Variants in CTNNA2 observed in about 807,000 individuals in gnomAD.
CTNNA2 encodes the protein catenin alpha 2.
A neutral mutation model predicts 101.0 loss-of-function variants in CTNNA2; 42 were observed. The ratio of observed to expected loss-of-function variants is 0.42; its 90% confidence interval spans 0.32 to 0.54. The LOEUF (loss-of-function observed/expected upper bound fraction) is 0.54. Ranked by LOEUF, CTNNA2 falls within the 20% of genes least tolerant of loss-of-function variation. The pLI, the probability that CTNNA2 is intolerant of heterozygous loss-of-function variation, is 0.14. For synonymous variants in CTNNA2, 450 were observed against 456.4 expected (o/e 0.99, Z 0.18); for missense variants, 871 against 1,223.1 (o/e 0.71, Z 4.29).
intron 2 of CTNNA2, among the ~76,000 whole-genome samples, chr2:79,667,656 A>T (rs1682513743): frequency 6.6e-6 from 1 of 152,232 alleles, no homozygotes; most frequent in African/African-American, 2.4e-5. Flanking sequence ...TCACCATTGA[A>T]GTCATATTAT....
At chr2:79,926,221 A>G (rs1363266624) in intron 7 of CTNNA2, among the ~76,000 whole-genome samples, 2 of 152,116 alleles carry the variant, frequency 1.3e-5, no homozygotes, top group South Asian at 2.1e-4. Flanking sequence ...ATTATTCCCC[A>G]GTGACTCTAT....
At chr2:79,998,333 T>C (rs1331963173) in intron 7 of CTNNA2, among the ~76,000 whole-genome samples, 1 of 152,252 alleles carries the variant, frequency 6.6e-6, no homozygotes, top group Non-Finnish European at 1.5e-5. Flanking sequence ...TTTTTTGAAA[T>C]ACTGTGGTTC....
intron 2 of CTNNA2, among the ~76,000 whole-genome samples, chr2:79,260,844 A>C (rs1220725558): frequency 6.6e-6 from 1 of 152,020 alleles, no homozygotes; most frequent in Non-Finnish European, 1.5e-5. Flanking sequence ...CTCAAGATTG[A>C]CTCTTAAGCC....
intron 9 of CTNNA2, among the ~76,000 whole-genome samples, chr2:80,429,908 A>C (rs867297630): frequency 6.6e-6 from 1 of 152,246 alleles, no homozygotes; most frequent in Non-Finnish European, 1.5e-5. Context: ...GGTCTGTTGC[A>C]GTGCTTGAAT....
rs148433332 is a variant in CTNNA2 at position 80,482,845 on chromosome 2, C to A, written c.1291-62137C>A. On this transcript the variant is annotated intron_variant, in intron 9 of 18. Coordinates refer to ENST00000402739, the MANE Select transcript of CTNNA2 (RefSeq NM_001282597.3). The stretch of plus-strand genomic sequence containing the variant: ...CCTCCACAGCAACAATAGTTGTGCC[C>A]GCTTCAGAACAAGAACTTGCTTTCT... Among the ~76,000 whole-genome samples the A allele has an allele frequency of 3.9e-5, 6 of 152,224 alleles. No homozygotes were observed. The East Asian group carries it at 7.7e-4, about 20-fold the overall frequency.
intron 7 of CTNNA2, among the ~76,000 whole-genome samples, chr2:79,923,431 G>A (rs1686807076): frequency 6.6e-6 from 1 of 151,788 alleles, no homozygotes; most frequent in Non-Finnish European, 1.5e-5. Flanking sequence ...AAGATCTGGT[G>A]GTCTGCTTTT....
chr2:79,994,323 TGTG>T (rs1423022875), intron 7 of CTNNA2, among the ~76,000 whole-genome samples: 9 of 152,204 alleles, frequency 5.9e-5, no homozygotes. Flanking sequence ...TAGTACTAAA[TGTG>T]GTAAACCACG....
At chr2:79,388,970 T>C (rs891276792) in intron 4 of CTNNA2, among the ~76,000 whole-genome samples, 1 of 152,182 alleles carries the variant, frequency 6.6e-6, no homozygotes, top group Non-Finnish European at 1.5e-5. Context: ...ACTACCACAT[T>C]TAACCTGGTT....
intron 18 of CTNNA2, among the ~76,000 whole-genome samples, chr2:80,619,945 T>C (rs941416614): frequency 2.0e-5 from 3 of 151,904 alleles, no homozygotes; most frequent in Non-Finnish European, 2.9e-5. Context: ...ATATTGCTGA[T>C]TAGTTCTTTT....
intron 7 of CTNNA2, among the ~76,000 whole-genome samples, chr2:80,256,949 A>G (rs556577023): frequency 2.0e-5 from 3 of 152,290 alleles, no homozygotes; most frequent in East Asian, 3.9e-4. Context: ...AGAGGAGTTC[A>G]GTTCCCCATT....
chr2:80,643,302 G>T (rs765986705), intron 18 of CTNNA2, among the ~76,000 whole-genome samples: 1 of 152,078 alleles, frequency 6.6e-6, no homozygotes, highest in Non-Finnish European at 1.5e-5. Context: ...TTACATCTTG[G>T]CTTCACCACA....
rs1265137591 is a variant in CTNNA2, at chr2:80,303,187, G to A, written c.1057-90024G>A. 1.2e-6 allele frequency: 2 copies of A among 1,613,936 alleles called. No individual in the cohort carries two copies. The highest frequency in any genetic ancestry group is 1.7e-6 in the Non-Finnish European group (2 of 1,179,988). ...CGTTGTGCTCGAGGTGCAGCTCGGT[G>A]AGCTTAAACAAGCCGGCGAAAGAGT... is the stretch of plus-strand genomic sequence containing the variant. On this transcript the variant is annotated intron_variant, in intron 7 of 18. Coordinates refer to ENST00000402739, the MANE Select transcript of CTNNA2 (RefSeq NM_001282597.3). This position sits in a 1 kb window ranked among gnomAD's most constrained non-coding sequence, Gnocchi z 7.7.
At chr2:80,225,977 A>G (rs1708866805) in intron 7 of CTNNA2, among the ~76,000 whole-genome samples, 1 of 152,078 alleles carries the variant, frequency 6.6e-6, no homozygotes, top group Non-Finnish European at 1.5e-5. Context: ...AGAGTGTGGC[A>G]TTATCCTTTT....
chr2:79,749,121 C>G (rs142597873), intron 3 of CTNNA2, among the ~76,000 whole-genome samples: 142 of 152,184 alleles, frequency 9.3e-4, no homozygotes, highest in African/African-American at 3.3e-3. Context: ...TCATTCAACC[C>G]AAAACGGTGC....
At chr2:79,680,501 A>G (rs773611222) in intron 2 of CTNNA2, among the ~76,000 whole-genome samples, 9 of 152,188 alleles carry the variant, frequency 5.9e-5, no homozygotes, top group Non-Finnish European at 7.3e-5. Context: ...TTGAGTGTAT[A>G]TGTAAAATGA....
intron 6 of CTNNA2, among the ~76,000 whole-genome samples, chr2:79,897,294 G>GATT (rs149895309): frequency 0.047 from 7,015 of 150,172 alleles, 536 homozygotes; most frequent in African/African-American, 0.16. Context: ...GGTTAAGCAG[G>GATT]ATTTTAAGAC....
chr2:79,711,875 T>C (rs181074556), intron 2 of CTNNA2, among the ~76,000 whole-genome samples: 2 of 152,326 alleles, frequency 1.3e-5, no homozygotes, highest in African/African-American at 4.8e-5. Flanking sequence ...TTGAATTTCA[T>C]ACTAGTTTCT....
intron 9 of CTNNA2, among the ~76,000 whole-genome samples, chr2:80,475,526 T>C (rs913592725): frequency 1.3e-5 from 2 of 152,292 alleles, no homozygotes; most frequent in Non-Finnish European, 2.9e-5. Flanking sequence ...TGATGAGATA[T>C]AAATATCCCT....
intron 3 of CTNNA2, among the ~76,000 whole-genome samples, chr2:79,816,878 A>T (rs919776783): frequency 6.6e-6 from 1 of 152,178 alleles, no homozygotes; most frequent in African/African-American, 2.4e-5. Context: ...CTGGCAAAAG[A>T]GCATCTCAAA....
Sources: allele counts gnomAD v4.1 joint callset (sites outside exome capture counted in the v4.1 genomes callset), GRCh38; gene constraint gnomAD v4.1.1; non-coding constraint Gnocchi (gnomAD v3.1); transcripts MANE v1.5; gene names NCBI Gene and HGNC (gene_info 2026-07-23, HGNC 2026-07-21).